Variants in ASIC5 observed in about 807,000 individuals in gnomAD.
ASIC5 encodes bile acid-sensitive ion channel.
In ASIC5, 52 loss-of-function variants were observed where a neutral mutation model predicts 51.2. The ratio of observed to expected loss-of-function variants is 1.02; its 90% CI spans 0.81 to 1.28. The LOEUF (loss-of-function observed/expected upper bound fraction) is 1.28. Ranked by LOEUF, ASIC5 falls within the 50% of genes most tolerant of loss-of-function variation. ASIC5 has a pLI of 0.00. For missense variants in ASIC5, 635 were observed against 595.0 expected (o/e 1.07, Z -0.70); for synonymous variants, 231 against 200.7 (o/e 1.15, Z -1.28).
chr4:155,840,268 C>T (rs1426511151), intron 6 of ASIC5, among the ~76,000 whole-genome samples: 1 of 151,632 alleles, frequency 6.6e-6, no homozygotes, highest in Non-Finnish European at 1.5e-5. Context: ...GAAATCAGAG[C>T]CAGAGCCAGC....
intron 8 of ASIC5, among the ~76,000 whole-genome samples, chr4:155,835,683 G>A (rs34719399): frequency 0.48 from 72,964 of 152,040 alleles, 19,730 homozygotes; most frequent in East Asian, 0.77. Context: ...TGCTGGAGTC[G>A]GAAGTGTAAA....
At chr4:155,861,244 T>C (rs1379013831) in intron 2 of ASIC5, among the ~76,000 whole-genome samples, 1 of 151,938 alleles carries the variant, frequency 6.6e-6, no homozygotes, top group East Asian at 1.9e-4. Flanking sequence ...GAGTAGAGTG[T>C]TCTAAGGATG....
chr4:155,832,535 T>C (rs1468520912), intron 8 of ASIC5, among the ~76,000 whole-genome samples: 1 of 152,162 alleles, frequency 6.6e-6, no homozygotes, highest in Non-Finnish European at 1.5e-5. Context: ...TAATAGCTCG[T>C]TACACGGTCT....
At chr4:155,836,894 G>T (rs758752711) in intron 7 of ASIC5, 37 bp from the exon 8 acceptor site, 2 of 1,449,898 alleles carry the variant, frequency 1.4e-6, no homozygotes, top group Admixed American at 1.9e-5. Flanking sequence ...TCAGAGAAGA[G>T]AAATATTTCA....
At chr4:155,832,923 T>C (rs1261416246) in intron 8 of ASIC5, among the ~76,000 whole-genome samples, 1 of 152,086 alleles carries the variant, frequency 6.6e-6, no homozygotes, top group Non-Finnish European at 1.5e-5. Context: ...CAGGAAGGAC[T>C]TTCCTGACAA....
intron 7 of ASIC5, 43 bp from the exon 8 acceptor site, chr4:155,836,900 T>G (rs1411623235): frequency 7.1e-7 from 1 of 1,405,840 alleles, no homozygotes; most frequent in East Asian, 2.3e-5. Flanking sequence ...AAGAGAAATA[T>G]TTCATCATGG....
At chr4:155,839,348 T>TAC (rs60209135) in intron 6 of ASIC5, among the ~76,000 whole-genome samples, 7,898 of 147,326 alleles carry the variant, frequency 0.054, 249 homozygotes, top group South Asian at 0.089. Context: ...TCTATCCATT[T>TAC]ACACACACAC....
At chr4:155,840,207 T>C (rs116150806) in intron 6 of ASIC5, among the ~76,000 whole-genome samples, 2,603 of 152,014 alleles carry the variant, frequency 0.017, 73 homozygotes, top group African/African-American at 0.057. Context: ...TTATTCTGCA[T>C]GAAACAATTC....
At chr4:155,841,033 C>T (rs567816930) in intron 6 of ASIC5, among the ~76,000 whole-genome samples, 29 of 152,158 alleles carry the variant, frequency 1.9e-4, no homozygotes, top group Non-Finnish European at 3.8e-4. Flanking sequence ...TCACTGGTCC[C>T]CTACCCACCA....
At chr4:155,843,629 G>A (rs1236829238) in intron 5 of ASIC5, 52 bp downstream of exon 5, 1 of 1,580,636 alleles carries the variant, frequency 6.3e-7, no homozygotes, top group Non-Finnish European at 8.7e-7. Context: ...CATTACTTAT[G>A]TGTTTGATGC....
chr4:155,863,898 G>T (rs1741790126), intron 1 of ASIC5, 144 bp from the exon 2 acceptor site: 2 of 709,832 alleles, frequency 2.8e-6, no homozygotes, highest in Non-Finnish European at 4.5e-6. Context: ...TTCATCTTTT[G>T]TTGCATGATT....
intron 1 of ASIC5, 74 bp from the exon 2 acceptor site, chr4:155,863,828 C>A: frequency 8.4e-7 from 1 of 1,185,116 alleles, no homozygotes; most frequent in Non-Finnish European, 1.2e-6. Context: ...CGTAAAAAAA[C>A]ACAACTCACA....
intron 2 of ASIC5, among the ~76,000 whole-genome samples, chr4:155,860,759 C>T (rs2110766286): frequency 6.6e-6 from 1 of 151,858 alleles, no homozygotes; most frequent in South Asian, 2.1e-4. Flanking sequence ...AACACAAAAG[C>T]TGTAATCATT....
At chr4:155,849,118 G>T (rs1030496966) in intron 4 of ASIC5, among the ~76,000 whole-genome samples, 2 of 152,076 alleles carry the variant, frequency 1.3e-5, no homozygotes, top group Non-Finnish European at 2.9e-5. Flanking sequence ...CTGGAATGGT[G>T]TGCTTTCCTT....
At chr4:155,839,224 A>G (rs1294985878) in intron 6 of ASIC5, among the ~76,000 whole-genome samples, 1 of 152,120 alleles carries the variant, frequency 6.6e-6, no homozygotes, top group Non-Finnish European at 1.5e-5. Flanking sequence ...ATCCTGTCAT[A>G]TGAGAATTTT....
At position 155,852,276 on chromosome 4, in the gene ASIC5, G is replaced by A. The variant is rs1298734698; in HGVS notation, c.626C>T (p.Thr209Ile). The A allele has an allele frequency of 6.3e-7, 1 of 1,595,744 alleles. No homozygotes were observed. The highest frequency in any genetic ancestry group is 8.5e-7 in the Non-Finnish European group (1 of 1,173,830). The part of the protein sequence containing the change: ...HVFTEYGNCF[T>I]FNHGETLQAK... ...TTGGAGAGTTTCACCATGATTAAAA[G>A]TAAAACAATTTCCATATTCAGTGAA... is the stretch of plus-strand genomic sequence containing the variant. Residue 209 changes from threonine (T) to isoleucine (I), a missense_variant, in exon 4 of 10, where the codon ACT becomes ATT. By Grantham distance (89) the Thr-to-Ile change is moderately conservative. Coordinates refer to ENST00000537611, the MANE Select transcript of ASIC5 (RefSeq NM_017419.3).
chr4:155,842,486 T>G (rs1192192564), intron 5 of ASIC5, 132 bp from the exon 6 acceptor site: 1 of 752,834 alleles, frequency 1.3e-6, no homozygotes, highest in Non-Finnish European at 2.0e-6. Context: ...ATTGGTTACA[T>G]TTGTCTATTT....
At chr4:155,845,040 C>G (rs1300741239) in intron 4 of ASIC5, among the ~76,000 whole-genome samples, 1 of 151,702 alleles carries the variant, frequency 6.6e-6, no homozygotes, top group Non-Finnish European at 1.5e-5. Flanking sequence ...CAAAGGGGAA[C>G]TCTAAACTAT....
intron 2 of ASIC5, among the ~76,000 whole-genome samples, chr4:155,858,092 T>C (rs1469492715): frequency 6.6e-6 from 1 of 152,108 alleles, no homozygotes; most frequent in East Asian, 1.9e-4. Flanking sequence ...ATTCTGAAGT[T>C]TTTACCAAAT....
Sources: gnomAD v4.1 joint callset for allele counts (sites outside exome capture counted in the v4.1 genomes callset) on GRCh38, gnomAD v4.1.1 for gene constraint, MANE v1.5 for transcripts, NCBI Gene and HGNC (gene_info 2026-07-23, HGNC 2026-07-21) for gene names.